GRIA2: variants seen among roughly 807,000 people sequenced by gnomAD.
GRIA2 encodes the protein glutamate ionotropic receptor AMPA type subunit 2.
Under a neutral mutation model 97.3 loss-of-function variants are expected in GRIA2, and 14 were observed. The observed-to-expected ratio is 0.14, with a 90% CI of 0.10 to 0.23. GRIA2 has a LOEUF of 0.23. Among genes scored for constraint, GRIA2 ranks in the 10% least tolerant of loss-of-function variants. GRIA2 has a pLI of 1.00. For missense variants in GRIA2, 558 were observed against 1,069.8 expected (o/e 0.52, Z 6.67); for synonymous variants, 412 against 387.8 (o/e 1.06, Z -0.73).
chr4:157,296,024 A>C (rs1334443128), intron 2 of GRIA2, among the ~76,000 whole-genome samples: 1 of 152,168 alleles, frequency 6.6e-6, no homozygotes, highest in Non-Finnish European at 1.5e-5. Flanking sequence ...CCAGGCAAAA[A>C]AATTTACCTC....
chr4:157,322,660 A>G (rs912557529), intron 6 of GRIA2, among the ~76,000 whole-genome samples: 1 of 152,202 alleles, frequency 6.6e-6, no homozygotes, highest in Non-Finnish European at 1.5e-5. Context: ...TTAAAGAGTG[A>G]GTGGGTTGAA....
chr4:157,335,190 G>A (rs1735226865), intron 9 of GRIA2: 1 of 176,528 alleles, frequency 5.7e-6, no homozygotes, highest in African/African-American at 2.4e-5. Context: ...CAATGATCCT[G>A]TCAGTTTGTG....
chr4:157,355,995 A>T (rs1326550807), intron 12 of GRIA2, among the ~76,000 whole-genome samples: 4 of 102,922 alleles, frequency 3.9e-5, no homozygotes, highest in South Asian at 2.8e-4. Context: ...ATATTTATAT[A>T]TATTTATATA....
At chr4:157,283,653 T>G (rs1732709048) in intron 2 of GRIA2, among the ~76,000 whole-genome samples, 1 of 151,938 alleles carries the variant, frequency 6.6e-6, no homozygotes, top group Admixed American at 6.6e-5. Flanking sequence ...TTAATTCTAT[T>G]TATCATATTT....
intron 2 of GRIA2, among the ~76,000 whole-genome samples, chr4:157,286,067 C>T (rs1732831681): frequency 6.6e-6 from 1 of 151,410 alleles, no homozygotes; most frequent in Non-Finnish European, 1.5e-5. Context: ...TAAACTGTTT[C>T]TATGTATCAA....
chr4:157,321,385 G>C, intron 5 of GRIA2, 53 bp from the exon 6 acceptor site: 1 of 1,243,476 alleles, frequency 8.0e-7, no homozygotes, highest in South Asian at 1.3e-5. Flanking sequence ...TAAATGTTAA[G>C]TAGCATTTTG....
At chr4:157,360,376 T>C (rs926954499) in intron 13 of GRIA2, among the ~76,000 whole-genome samples, 2 of 152,160 alleles carry the variant, frequency 1.3e-5, no homozygotes, top group African/African-American at 2.4e-5. Context: ...CCTTTTTTTT[T>C]TCCTTTAAGA....
intron 2 of GRIA2, among the ~76,000 whole-genome samples, chr4:157,263,953 C>G (rs1038510281): frequency 4.0e-5 from 6 of 151,788 alleles, no homozygotes; most frequent in Non-Finnish European, 8.8e-5. Flanking sequence ...TTGAACTTTA[C>G]TCTTAGTTAT....
intron 2 of GRIA2, among the ~76,000 whole-genome samples, chr4:157,300,182 A>G (rs1346834958): frequency 6.6e-6 from 1 of 152,122 alleles, no homozygotes. Flanking sequence ...AATAAGGTAA[A>G]GATGAAAATG....
intron 4 of GRIA2, 44 bp downstream of exon 4, chr4:157,312,919 G>A (rs1289038401): frequency 8.8e-7 from 1 of 1,135,166 alleles, no homozygotes; most frequent in Admixed American, 2.2e-5. Context: ...TATAGAATAT[G>A]CATGCAATGT....
intron 2 of GRIA2, among the ~76,000 whole-genome samples, chr4:157,295,219 A>G (rs947976877): frequency 6.6e-6 from 1 of 152,068 alleles, no homozygotes; most frequent in Non-Finnish European, 1.5e-5. Context: ...GAAGGTCAGG[A>G]GGGGTAAATA....
chr4:157,293,865 T>A (rs550977070), intron 2 of GRIA2, among the ~76,000 whole-genome samples: 6 of 152,246 alleles, frequency 3.9e-5, no homozygotes, highest in Admixed American at 1.3e-4. Flanking sequence ...ACTCAATGCA[T>A]CAAGGGTGTG....
At chr4:157,320,560 GT>G (rs1734515301) in intron 5 of GRIA2, among the ~76,000 whole-genome samples, 1 of 151,996 alleles carries the variant, frequency 6.6e-6, no homozygotes, top group Non-Finnish European at 1.5e-5. Flanking sequence ...CCAATAAAAA[GT>G]AATTACCTTC....
chr4:157,247,962 T>G (rs554236680), intron 2 of GRIA2, among the ~76,000 whole-genome samples: 1 of 152,210 alleles, frequency 6.6e-6, no homozygotes, highest in African/African-American at 2.4e-5. Flanking sequence ...TGGGAAATCA[T>G]TTGTTATTCT....
At chr4:157,346,119 AT>A (rs1735753766) in intron 12 of GRIA2, among the ~76,000 whole-genome samples, 1 of 152,088 alleles carries the variant, frequency 6.6e-6, no homozygotes, top group Admixed American at 6.6e-5. Flanking sequence ...AATTGAGAGT[AT>A]TTTTTTAAAG....
At chr4:157,288,304 C>T (rs1011084631) in intron 2 of GRIA2, among the ~76,000 whole-genome samples, 7 of 151,588 alleles carry the variant, frequency 4.6e-5, no homozygotes, top group Non-Finnish European at 8.9e-5. Flanking sequence ...AAACCAAAAC[C>T]AGTTTACATT....
chr4:157,305,508 T>C (rs1463491815), intron 3 of GRIA2, among the ~76,000 whole-genome samples: 1 of 152,210 alleles, frequency 6.6e-6, no homozygotes, highest in Non-Finnish European at 1.5e-5. Context: ...TGAAAAATTT[T>C]AGTTGGCTTT....
intron 2 of GRIA2, among the ~76,000 whole-genome samples, chr4:157,225,059 C>G (rs1318601700): frequency 1.3e-5 from 2 of 152,034 alleles, no homozygotes; most frequent in African/African-American, 4.8e-5. Context: ...AATTTTATTC[C>G]TGAGATGGAG....
intron 2 of GRIA2, among the ~76,000 whole-genome samples, chr4:157,228,058 T>C (rs570008306): frequency 4.6e-5 from 7 of 152,334 alleles, no homozygotes; most frequent in African/African-American, 1.7e-4. Context: ...ACTTATAGAA[T>C]GAAAACATTT....
Sources: allele counts gnomAD v4.1 joint callset (sites outside exome capture counted in the v4.1 genomes callset), GRCh38; gene constraint gnomAD v4.1.1; transcripts MANE v1.5; gene names NCBI Gene and HGNC (gene_info 2026-07-23, HGNC 2026-07-21).